Variants in CYB5R3 observed in about 807,000 individuals in gnomAD.
CYB5R3 encodes the protein NADH-cytochrome b5 reductase 3.
A neutral mutation model predicts 36.5 loss-of-function variants in CYB5R3; 28 were observed. The ratio of observed to expected loss-of-function variants is 0.77; its 90% CI spans 0.57 to 1.05. CYB5R3 has a LOEUF of 1.05. Among genes scored for constraint, CYB5R3 ranks in the 50% least tolerant of loss-of-function variants. CYB5R3 has a pLI of 0.00. For missense variants in CYB5R3, 474 were observed against 408.9 expected, an observed-to-expected ratio of 1.16 and a Z score of -1.37; for synonymous variants, 181 against 159.8, an observed-to-expected ratio of 1.13 and a Z score of -1.00.
intron 2 of CYB5R3, among the ~76,000 whole-genome samples, chr22:42,635,419 T>C (rs980450351): frequency 2.0e-5 from 3 of 152,002 alleles, no homozygotes; most frequent in African/African-American, 7.3e-5. Flanking sequence ...TTCGTATTGT[T>C]AGTAGAGATG....
intron 8 of CYB5R3, among the ~76,000 whole-genome samples, chr22:42,622,884 G>T (rs548707817): frequency 6.6e-6 from 1 of 152,340 alleles, no homozygotes; most frequent in East Asian, 1.9e-4. Flanking sequence ...GCTCACACGG[G>T]TATTCAAAAA....
rs8190443 is a variant in CYB5R3 at position 42,628,493 on chromosome 22, C to G, written c.334-212G>C. Among the ~76,000 whole-genome samples, 3,731 of 152,300 alleles carry G rather than the reference C, an allele frequency of 0.024. 121 individuals are homozygous for G. The highest frequency in any genetic ancestry group is 0.069 in the African/African-American group (2,877 of 41,548). On this transcript the variant is annotated intron_variant, in intron 4 of 8. Coordinates refer to ENST00000352397, the MANE Select transcript of CYB5R3 (RefSeq NM_000398.7). ...CTCCCAGGAGTCAGCCTCCACCTGACATATCCGGGGAAAGCAAACCACCAG... is the reference window on the plus strand; with the variant it reads ...CTCCCAGGAGTCAGCCTCCACCTGAGATATCCGGGGAAAGCAAACCACCAG...
At chr22:42,646,616 C>T in intron 1 of CYB5R3, 2 of 981,912 alleles carry the variant, frequency 2.0e-6, no homozygotes, top group Non-Finnish European at 2.4e-6. Flanking sequence ...GGAGCTTAGA[C>T]AAGCCAGTCG....
At chr22:42,629,539 C>T (rs909169767) in intron 4 of CYB5R3, among the ~76,000 whole-genome samples, 4 of 152,212 alleles carry the variant, frequency 2.6e-5, no homozygotes, top group African/African-American at 7.2e-5. Context: ...CAGCCAAAGA[C>T]GGGCTCCTGA....
At position 42,618,453 on chromosome 22, in the gene CYB5R3, C is replaced by T. The variant is rs1385980122; in HGVS notation, c.*1320G>A. The stretch of plus-strand genomic sequence containing the variant: ...TTGGGAGGCTGAGGCAGGAGAATGG[C>T]GTGAACCCGGGAGGCGGAGCTTGCA... On this transcript the variant is annotated 3_prime_UTR_variant, in exon 9 of 9. Transcript: ENST00000352397. 2.8e-5 allele frequency: 4 copies of T among 145,350 alleles called. No individual in the cohort carries two copies. Among genetic ancestry groups the T allele is most frequent in the African/African-American group, 5.2e-5 (2 of 38,462 alleles). 9.0% of individuals were successfully genotyped at this position (145,350 alleles called of 1,614,324 possible).
intron 4 of CYB5R3, among the ~76,000 whole-genome samples, chr22:42,629,758 A>C (rs963285110): frequency 2.0e-5 from 3 of 151,818 alleles, no homozygotes; most frequent in Non-Finnish European, 4.4e-5. Context: ...CCACATACCC[A>C]CTGGTCTAGG....
intron 4 of CYB5R3, among the ~76,000 whole-genome samples, chr22:42,628,944 G>A (rs1347467608): frequency 6.6e-6 from 1 of 152,132 alleles, no homozygotes; most frequent in Non-Finnish European, 1.5e-5. Context: ...GCTATGGGGT[G>A]TGGAGGCAGA....
intron 1 of CYB5R3, chr22:42,647,082 A>G (rs1929571778): frequency 3.4e-6 from 2 of 587,768 alleles, no homozygotes; most frequent in Non-Finnish European, 2.1e-6. Context: ...AGACACCTAG[A>G]GCACCAGGCC....
intron 1 of CYB5R3, 34 bp from the exon 2 acceptor site, chr22:42,636,880 A>G (rs1291445456): frequency 1.2e-6 from 2 of 1,607,754 alleles, no homozygotes; most frequent in Non-Finnish European, 1.7e-6. Flanking sequence ...TCAGTGCAGG[A>G]GCCTGCCTTT....
At chr22:42,644,530 C>T in intron 1 of CYB5R3, 1 of 1,446,298 alleles carries the variant, frequency 6.9e-7, no homozygotes, top group South Asian at 1.2e-5. Context: ...CTAGCTCAAA[C>T]ATCAAATCTT....
chr22:42,629,124 G>C (rs1030212133), intron 4 of CYB5R3, among the ~76,000 whole-genome samples: 2 of 152,128 alleles, frequency 1.3e-5, no homozygotes, highest in African/African-American at 2.4e-5. Flanking sequence ...CCTCCTAATA[G>C]CTTCTCCACA....
At position 42,621,184 on chromosome 22, in the gene CYB5R3, G is replaced by GTA. The variant is rs1927947953; in HGVS notation, c.734-1240_734-1239insTA. Reference sequence around the variant, plus strand: ...TCAATTTCACAGCGATTTCTTTTTAGTGTGTGTGTGTGTGTGTGTGTGTGT... The same window carrying GTA: ...TCAATTTCACAGCGATTTCTTTTTAGTATGTGTGTGTGTGTGTGTGTGTGTGT... On this transcript the variant is annotated intron_variant, in intron 8 of 8. Transcript: ENST00000352397. Among the ~76,000 whole-genome samples the GTA allele has an allele frequency of 9.1e-4, 7 of 7,732 alleles. No homozygotes were observed. In the South Asian group the frequency reaches 0.051, roughly 56 times the overall value. The allele number at this position is 7,732 out of a possible 152,430, so 5.1% of individuals were successfully genotyped here.
intron 1 of CYB5R3, chr22:42,639,775 T>A: frequency 1.5e-6 from 1 of 655,062 alleles, no homozygotes. Context: ...AAGGGGCAAC[T>A]TACTCTTAAA....
At chr22:42,631,322 C>T in intron 3 of CYB5R3, 56 bp downstream of exon 3, 1 of 1,484,962 alleles carries the variant, frequency 6.7e-7, no homozygotes, top group Non-Finnish European at 9.2e-7. Flanking sequence ...TCTCTCTGAT[C>T]TAGTGCCCCA....
intron 1 of CYB5R3, among the ~76,000 whole-genome samples, chr22:42,637,243 C>T (rs1243989113): frequency 1.3e-5 from 2 of 152,212 alleles, no homozygotes; most frequent in African/African-American, 4.8e-5. Flanking sequence ...CTTCAGTCAA[C>T]TTCCCTGGTC....
chr22:42,640,824 A>G (rs1929226050), intron 1 of CYB5R3, among the ~76,000 whole-genome samples: 1 of 152,076 alleles, frequency 6.6e-6, no homozygotes, highest in Non-Finnish European at 1.5e-5. Flanking sequence ...CTTAATGAAT[A>G]GTAAATATGT....
At chr22:42,624,255 G>T (rs1479595196) in intron 7 of CYB5R3, among the ~76,000 whole-genome samples, 1 of 152,218 alleles carries the variant, frequency 6.6e-6, no homozygotes, top group Non-Finnish European at 1.5e-5. Flanking sequence ...TACTCCAGGG[G>T]GTCAGCCCGG....
At chr22:42,636,599 C>T (rs1344857358) in intron 2 of CYB5R3, 116 bp downstream of exon 2, 3 of 1,495,218 alleles carry the variant, frequency 2.0e-6, no homozygotes, top group Non-Finnish European at 2.7e-6. Flanking sequence ...CTTTCTCCAT[C>T]TGTAAAATGG....
chr22:42,627,689 C>T lies in CYB5R3; in HGVS notation c.464-1G>A, dbSNP rs377154151. The T allele has an allele frequency of 1.2e-6, 2 of 1,611,000 alleles. No individual in the cohort carries two copies. Among genetic ancestry groups the T allele is most frequent in the African/African-American group, 2.7e-5 (2 of 74,822 alleles). ...TTGTCAGGTCGGATGGCGAACTTCCCTGGGGAGAGAGAAGGGGTGAGGCCC... is the reference window on the plus strand; with the variant it reads ...TTGTCAGGTCGGATGGCGAACTTCCTTGGGGAGAGAGAAGGGGTGAGGCCC... On this transcript the variant is annotated splice_acceptor_variant, in intron 5 of 8. Transcript: ENST00000352397. LOFTEE classifies it high-confidence loss of function.
Sources: gnomAD v4.1 joint callset for allele counts (sites outside exome capture counted in the v4.1 genomes callset) on GRCh38, gnomAD v4.1.1 for gene constraint, MANE v1.5 for transcripts, NCBI Gene and HGNC (gene_info 2026-07-23, HGNC 2026-07-21) for gene names.